Variants in NEBL observed in about 807,000 individuals in gnomAD.
NEBL encodes nebulette.
In NEBL, 122 loss-of-function variants were observed where a neutral mutation model predicts 140.2. That is an observed-to-expected ratio of 0.87 (90% CI 0.75 to 1.01). The LOEUF is 1.01. Among genes scored for constraint, NEBL ranks in the 50% least tolerant of loss-of-function variants. NEBL has a pLI of 0.00. For missense variants in NEBL, 1,365 were observed against 1,231.3 expected (o/e 1.11, Z -1.62); for synonymous variants, 436 against 398.9 (o/e 1.09, Z -1.11).
chr10:20,826,334 A>G (rs894471105), intron 18 of NEBL, 113 bp downstream of exon 18: 23 of 842,614 alleles, frequency 2.7e-5, no homozygotes, highest in East Asian at 4.9e-5. Flanking sequence ...TAGCATTTCA[A>G]TAAAGTGAAG....
At chr10:21,030,702 TC>T (rs1833743095) in intron 2 of NEBL, 4 of 475,886 alleles carry the variant, frequency 8.4e-6, no homozygotes, top group South Asian at 7.2e-5. Context: ...CTAGCCATGG[TC>T]CAGGAGACAG....
intron 2 of NEBL, among the ~76,000 whole-genome samples, chr10:21,153,406 C>T (rs371683472): frequency 3.3e-5 from 5 of 152,094 alleles, no homozygotes; most frequent in East Asian, 3.9e-4. Context: ...CTGCAACCTC[C>T]GCCTCCCGGG....
At chr10:21,188,555 G>GCA (rs1841516393) in intron 3 of NEBL, among the ~76,000 whole-genome samples, 1 of 150,740 alleles carries the variant, frequency 6.6e-6, no homozygotes, top group Non-Finnish European at 1.5e-5. Context: ...ATGTGAACAT[G>GCA]CAAAAATGAA....
Position 20,881,132 on chromosome 10 carries a change from T to C in NEBL, c.370-228A>G, listed in dbSNP as rs71578981. Reference sequence around the variant, plus strand: ...ACTTCAAAATGTCCTTGACCAAAGATGAAATTTCCATTTTTATTCATCTAG... The same window carrying C: ...ACTTCAAAATGTCCTTGACCAAAGACGAAATTTCCATTTTTATTCATCTAG... On this transcript the variant is annotated intron_variant, in intron 4 of 27. Transcript: ENST00000377122. 5.0e-3 allele frequency among the ~76,000 whole-genome samples: 756 copies of C among 152,306 alleles called. 9 individuals are homozygous for C. The highest frequency in any genetic ancestry group is 0.016 in the African/African-American group (679 of 41,566).
intron 3 of NEBL, among the ~76,000 whole-genome samples, chr10:21,003,637 C>T (rs1221550109): frequency 6.6e-6 from 1 of 152,130 alleles, no homozygotes. Context: ...TCATGAGTTT[C>T]TTGAATCGAC....
intron 3 of NEBL, among the ~76,000 whole-genome samples, chr10:21,207,646 A>G (rs1251535514): frequency 6.6e-6 from 1 of 152,076 alleles, no homozygotes; most frequent in Non-Finnish European, 1.5e-5. Context: ...GAGCCCCTGC[A>G]GGAGATCATG....
Position 20,842,420 on chromosome 10 carries a change from T to C in NEBL, c.1228-1571A>G, listed in dbSNP as rs898892381. The stretch of plus-strand genomic sequence containing the variant: ...TAGGAAATGAAGTATAAAATGATAC[T>C]TTGAACACTCTAATGCAATGTCAAT... On this transcript the variant is annotated intron_variant, in intron 12 of 27. Transcript: ENST00000377122. Among the ~76,000 whole-genome samples the C allele has an allele frequency of 9.2e-5, 14 of 152,044 alleles. No homozygotes were observed. The East Asian group carries it at 1.5e-3, about 17-fold the overall frequency.
chr10:21,016,068 G>A (rs141772225), intron 3 of NEBL, among the ~76,000 whole-genome samples: 2 of 152,342 alleles, frequency 1.3e-5, no homozygotes, highest in East Asian at 3.9e-4. Flanking sequence ...GGGCTGCTGC[G>A]GGCCCGTGGG....
chr10:20,935,916 C>T (rs1316996959), intron 4 of NEBL, among the ~76,000 whole-genome samples: 1 of 151,944 alleles, frequency 6.6e-6, no homozygotes, highest in African/African-American at 2.4e-5. Context: ...AAAAAAATTG[C>T]AGCACTATTT....
chr10:21,236,903 G>A (rs1381591175), intron 3 of NEBL, among the ~76,000 whole-genome samples: 1 of 152,170 alleles, frequency 6.6e-6, no homozygotes, highest in Non-Finnish European at 1.5e-5. Flanking sequence ...TAACTACCTA[G>A]TAAGATAGGT....
intron 4 of NEBL, among the ~76,000 whole-genome samples, chr10:20,931,941 A>T (rs550279844): frequency 2.6e-5 from 4 of 152,346 alleles, no homozygotes; most frequent in South Asian, 4.1e-4. Context: ...CTAACAGCAT[A>T]TTCTTTCATG....
chr10:20,969,534 TTTTTC>T (rs1564466121), intron 3 of NEBL, among the ~76,000 whole-genome samples: 1 of 150,214 alleles, frequency 6.7e-6, no homozygotes, highest in Admixed American at 6.6e-5. Context: ...AAAATGACTT[TTTTTC>T]TTTTCTTTTT....
chr10:21,056,637 T>A (rs1051955733), intron 2 of NEBL, among the ~76,000 whole-genome samples: 1 of 152,228 alleles, frequency 6.6e-6, no homozygotes, highest in Non-Finnish European at 1.5e-5. Flanking sequence ...TACACCCATA[T>A]TGTCATGTCA....
chr10:20,913,438 A>G (rs1204088924), intron 4 of NEBL, among the ~76,000 whole-genome samples: 1 of 152,234 alleles, frequency 6.6e-6, no homozygotes, highest in East Asian at 1.9e-4. Context: ...ATGCTTCATT[A>G]AAAGTACTTA....
chr10:20,980,316 G>T (rs1318174304), intron 3 of NEBL, among the ~76,000 whole-genome samples: 1 of 149,172 alleles, frequency 6.7e-6, no homozygotes, highest in African/African-American at 2.5e-5. Context: ...ACATAAAAAA[G>T]TTTTTTTTGT....
intron 2 of NEBL, among the ~76,000 whole-genome samples, chr10:20,891,427 C>T (rs892883847): frequency 9.2e-5 from 14 of 152,114 alleles, no homozygotes; most frequent in Admixed American, 7.9e-4. Context: ...AAAAAAGTAT[C>T]TCCGTTATAT....
chr10:21,031,241 T>TG (rs1308139251), intron 2 of NEBL, among the ~76,000 whole-genome samples: 1 of 152,072 alleles, frequency 6.6e-6, no homozygotes, highest in Admixed American at 6.6e-5. Context: ...ATGAACCCTA[T>TG]GGGGGTCACC....
At chr10:21,224,074 C>T (rs925897083) in intron 3 of NEBL, among the ~76,000 whole-genome samples, 1 of 152,084 alleles carries the variant, frequency 6.6e-6, no homozygotes, top group African/African-American at 2.4e-5. Context: ...GTTGCCAGTG[C>T]ATGTGGAATT....
chr10:20,830,912 TAAAAAAAAAA>T lies in NEBL; in HGVS notation c.1671+274_1671+283del, dbSNP rs371760760. On this transcript the variant is annotated intron_variant, in intron 16 of 27. Coordinates refer to ENST00000377122, the MANE Select transcript of NEBL (RefSeq NM_006393.3). ...GAGTGAGACCTCCATCTCTAAAATT[TAAAAAAAAAA>T]AAAAAAAAAAAAAGGTTTAATGTCC... Among the ~76,000 whole-genome samples, 325 of 92,356 alleles carry T rather than the reference TAAAAAAAAAA, an allele frequency of 3.5e-3. 1 individual carries two copies. The highest frequency in any genetic ancestry group is 0.013 in the African/African-American group (314 of 23,958). The allele number at this position is 92,356 out of a possible 152,430, so 60.6% of individuals were successfully genotyped here.
Sources: gnomAD v4.1 joint callset for allele counts (sites outside exome capture counted in the v4.1 genomes callset) on GRCh38, gnomAD v4.1.1 for gene constraint, MANE v1.5 for transcripts, NCBI Gene and HGNC (gene_info 2026-07-23, HGNC 2026-07-21) for gene names.